Variants in REEP1 observed in about 807,000 individuals in gnomAD.
The protein encoded by REEP1 is receptor accessory protein 1, also known as receptor expression-enhancing protein 1.
REEP1 carries 22 observed loss-of-function variants against 40.3 expected under a neutral mutation model. The observed-to-expected ratio is 0.55, with a 90% CI of 0.39 to 0.78. The LOEUF is 0.78. Ranked by LOEUF, REEP1 falls within the 30% of genes least tolerant of loss-of-function variation. The pLI is 0.00. For synonymous variants in REEP1, 116 were observed against 139.2 expected (o/e 0.83, Z 1.17); for missense variants, 280 against 361.1 (o/e 0.78, Z 1.82).
At chr2:86,221,844 G>A (rs1363738242) in intron 7 of REEP1, among the ~76,000 whole-genome samples, 1 of 152,114 alleles carries the variant, frequency 6.6e-6, no homozygotes, top group Non-Finnish European at 1.5e-5. Flanking sequence ...AATTCCTTCT[G>A]GACACAGATA....
At chr2:86,248,546 C>T (rs1676093117) in intron 5 of REEP1, among the ~76,000 whole-genome samples, 1 of 152,116 alleles carries the variant, frequency 6.6e-6, no homozygotes. Context: ...CTCCCGGGCT[C>T]AAGCGATGAT....
In REEP1 at chr2:86,288,788, T is replaced by C. The variant is rs79371814; in HGVS notation, c.33-6546A>G. ...AAACTTATATAGTCAGACTGTTAGA[T>C]TTTTGCCACTGTGATGGGTATGGGT... On this transcript the variant is annotated intron_variant, in intron 1 of 8. Transcript: ENST00000538924. Among the ~76,000 whole-genome samples the C allele has an allele frequency of 3.6e-4, 22 of 61,414 alleles. No individual in the cohort carries two copies. The East Asian group carries it at 0.014, about 39-fold the overall frequency. The allele number at this position is 61,414 out of a possible 152,430, so 40.3% of individuals were successfully genotyped here. A position where few individuals can be genotyped will look rare whatever the true frequency, so the allele number is the denominator to read the frequency against.
intron 5 of REEP1, among the ~76,000 whole-genome samples, chr2:86,245,190 T>G (rs1474392110): frequency 1.3e-5 from 2 of 152,114 alleles, no homozygotes; most frequent in Non-Finnish European, 2.9e-5. Context: ...GAATTCAATT[T>G]TAGGTATACT....
At chr2:86,276,370 G>A (rs1208471709) in intron 2 of REEP1, among the ~76,000 whole-genome samples, 3 of 152,186 alleles carry the variant, frequency 2.0e-5, no homozygotes, top group East Asian at 1.9e-4. Context: ...TTTTCCTACT[G>A]CTCTGCTTCT....
chr2:86,317,776 G>C lies in REEP1; in HGVS notation c.32+19703C>G, dbSNP rs981959359. ...TTCTTATCATTCTGTGATGAAATAA[G>C]TAGCACTCATACAGTGTTTCTGCTG... is the stretch of plus-strand genomic sequence containing the variant. On this transcript the variant is annotated intron_variant, in intron 1 of 8. Transcript: ENST00000538924. Among the ~76,000 whole-genome samples the C allele has an allele frequency of 2.0e-5, 3 of 152,192 alleles. No individual in the cohort carries two copies. The South Asian group carries it at 6.2e-4, about 31-fold the overall frequency.
intron 1 of REEP1, among the ~76,000 whole-genome samples, chr2:86,292,708 C>T (rs1479177819): frequency 6.6e-6 from 1 of 152,164 alleles, no homozygotes; most frequent in Non-Finnish European, 1.5e-5. Context: ...GACTGCTGGG[C>T]CTTCCTATGT....
chr2:86,274,252 T>A (rs1677620921), intron 2 of REEP1, among the ~76,000 whole-genome samples: 1 of 152,178 alleles, frequency 6.6e-6, no homozygotes, highest in African/African-American at 2.4e-5. Context: ...AAAGAGCCAA[T>A]TTAGGCAGAA....
In REEP1 at chr2:86,219,992, C is replaced by T. The variant is rs779633941; in HGVS notation, c.761G>A (p.Arg254Gln). The T allele has an allele frequency of 1.2e-4, 144 of 1,232,056 alleles. No homozygotes were observed. Among genetic ancestry groups the T allele is most frequent in the Non-Finnish European group, 1.4e-4 (141 of 988,018 alleles). 76.3% of individuals were successfully genotyped at this position (1,232,056 alleles called of 1,614,324 possible). The change falls in exon 8 of 9, where the codon CGA becomes CAA. Residue 254 changes from arginine (R) to glutamine (Q), a missense_variant. Physicochemically the swap from Arg to Gln is conservative, Grantham distance 43. Around this residue, in one of 3 missense-constraint regions of REEP1, gnomAD observed 201 missense variants for 238.5 expected, o/e 0.84. Coordinates refer to ENST00000538924, the MANE Select transcript of REEP1 (RefSeq NM_001371279.1). ...TACCTCCAGGGGCAATTCCATCCTT[C>T]GAGGTGCTTTATACTTGTACATGAA... ...LDFMYKYKAP[R>Q]RMELPLEAPP... is the part of the protein sequence containing the mutation.
intron 7 of REEP1, among the ~76,000 whole-genome samples, chr2:86,225,844 C>T (rs1439595715): frequency 1.3e-5 from 2 of 152,238 alleles, no homozygotes; most frequent in African/African-American, 4.8e-5. Context: ...GGCAGCTTCT[C>T]TATGGGGAGC....
chr2:86,320,181 A>G (rs888127490), intron 1 of REEP1, among the ~76,000 whole-genome samples: 11 of 152,220 alleles, frequency 7.2e-5, no homozygotes, highest in East Asian at 3.8e-4. Flanking sequence ...AAAAACACCC[A>G]TTCTCTAGTC....
chr2:86,328,000 A>T (rs1680595338), intron 1 of REEP1, among the ~76,000 whole-genome samples: 2 of 152,116 alleles, frequency 1.3e-5, no homozygotes, highest in South Asian at 2.1e-4. Context: ...GGTGGGAGTC[A>T]TGGGTAGACA....
intron 1 of REEP1, chr2:86,297,626 A>C: frequency 1.2e-6 from 1 of 860,794 alleles, no homozygotes; most frequent in Non-Finnish European, 1.4e-6. Context: ...TACCTGCAAG[A>C]GAGATTCTCC....
intron 4 of REEP1, 49 bp from the exon 5 acceptor site, chr2:86,252,119 T>A (rs762422706): frequency 7.9e-7 from 1 of 1,266,732 alleles, no homozygotes; most frequent in Admixed American, 1.7e-5. Flanking sequence ...TTCAAACACA[T>A]CTCTGTTTTC....
intron 1 of REEP1, among the ~76,000 whole-genome samples, chr2:86,308,261 GA>G (rs561406559): frequency 2.0e-5 from 3 of 152,164 alleles, no homozygotes; most frequent in Non-Finnish European, 2.9e-5. Context: ...CAGCATTACA[GA>G]AAAAAGGGGG....
At chr2:86,286,469 G>A (rs1444976742) in intron 1 of REEP1, among the ~76,000 whole-genome samples, 2 of 152,166 alleles carry the variant, frequency 1.3e-5, no homozygotes, top group Non-Finnish European at 2.9e-5. Context: ...CTAGTGTGCT[G>A]TTTCCTGGTC....
chr2:86,319,727 A>G (rs1680197902), intron 1 of REEP1, among the ~76,000 whole-genome samples: 1 of 152,100 alleles, frequency 6.6e-6, no homozygotes. Context: ...AGAAGAAAAG[A>G]AAAAGAAAAG....
At chr2:86,300,602 A>T (rs1679217702) in intron 1 of REEP1, among the ~76,000 whole-genome samples, 1 of 152,162 alleles carries the variant, frequency 6.6e-6, no homozygotes, top group Admixed American at 6.5e-5. Context: ...CCAAAGAAAC[A>T]GATAAGTGAG....
At chr2:86,267,696 C>T (rs1162927353) in intron 2 of REEP1, among the ~76,000 whole-genome samples, 3 of 152,008 alleles carry the variant, frequency 2.0e-5, no homozygotes, top group Admixed American at 1.3e-4. Flanking sequence ...AAAAAGAAGA[C>T]AAATTAGACT....
chr2:86,265,322 C>A (rs1009548096), intron 2 of REEP1, among the ~76,000 whole-genome samples: 5 of 152,076 alleles, frequency 3.3e-5, no homozygotes, highest in Non-Finnish European at 5.9e-5. Flanking sequence ...CAGTGAAACA[C>A]CTGGAAGACC....
Sources: allele counts gnomAD v4.1 joint callset (sites outside exome capture counted in the v4.1 genomes callset), GRCh38; gene constraint gnomAD v4.1.1; regional missense constraint gnomAD v4.1.1; transcripts MANE v1.5; gene names NCBI Gene and HGNC (gene_info 2026-07-23, HGNC 2026-07-21).